Variants in SH3BGRL2 observed in about 807,000 individuals in gnomAD.
SH3BGRL2 encodes the protein SH3 domain binding glutamate rich protein like 2.
SH3BGRL2 carries 21 observed loss-of-function variants against 14.8 expected under a neutral mutation model. The ratio of observed to expected loss-of-function variants is 1.42; its 90% CI spans 1.01 to 2.05. The LOEUF is 2.05. SH3BGRL2 is among the 30% of genes most tolerant of loss of function. The probability of loss-of-function intolerance (pLI) is 0.00; values close to 1 mark genes in which losing one functional copy is unlikely to be tolerated. For synonymous variants in SH3BGRL2, 50 were observed against 47.8 expected (o/e 1.05, Z -0.19); for missense variants, 147 against 130.8 (o/e 1.12, Z -0.61).
the SH3BGRL2 span, among the ~76,000 whole-genome samples, chr6:79,588,289 T>TTA: frequency 8.1e-6 from 1 of 124,048 alleles, no homozygotes; most frequent in Admixed American, 8.4e-5. Context: ...AGACTCTGTC[T>TTA]AAAAAAAAAA....
upstream of SH3BGRL2, among the ~76,000 whole-genome samples, chr6:79,627,314 A>G (rs1582707394): frequency 1.3e-5 from 2 of 152,330 alleles, no homozygotes; most frequent in South Asian, 4.1e-4. Flanking sequence ...AAGCTGCAAT[A>G]GGTCATGCCG....
intron 2 of SH3BGRL2, among the ~76,000 whole-genome samples, chr6:79,688,540 T>A (rs1295351035): frequency 1.3e-5 from 2 of 152,184 alleles, no homozygotes; most frequent in Non-Finnish European, 2.9e-5. Context: ...AATCTACAGA[T>A]GTGTATTTAC....
At chr6:79,685,402 CTCT>C (rs1770071998) in intron 2 of SH3BGRL2, among the ~76,000 whole-genome samples, 1 of 152,296 alleles carries the variant, frequency 6.6e-6, no homozygotes, top group Middle Eastern at 3.4e-3. Flanking sequence ...TTTTCCTCTG[CTCT>C]TCTTTCTGCA....
chr6:79,563,389 G>A, the SH3BGRL2 span, among the ~76,000 whole-genome samples: 1 of 152,082 alleles, frequency 6.6e-6, no homozygotes, highest in Non-Finnish European at 1.5e-5. Flanking sequence ...TGGGATTACA[G>A]GAGTGAGCCA....
At chr6:79,580,675 C>A in the SH3BGRL2 span, among the ~76,000 whole-genome samples, 1 of 151,948 alleles carries the variant, frequency 6.6e-6, no homozygotes, top group African/African-American at 2.4e-5. Flanking sequence ...CACTAAATGC[C>A]CACAGGAGAA....
the SH3BGRL2 span, among the ~76,000 whole-genome samples, chr6:79,606,974 C>G: frequency 2.0e-5 from 3 of 152,156 alleles, no homozygotes; most frequent in Admixed American, 6.5e-5. Context: ...AATAGAAACA[C>G]TCCTCCCAGT....
chr6:79,554,270 C>A, the SH3BGRL2 span, among the ~76,000 whole-genome samples: 4 of 151,938 alleles, frequency 2.6e-5, no homozygotes, highest in African/African-American at 9.7e-5. Context: ...TTATCTAATG[C>A]GTTTAAAAAA....
the SH3BGRL2 span, among the ~76,000 whole-genome samples, chr6:79,582,151 G>A: frequency 6.6e-6 from 1 of 152,148 alleles, no homozygotes; most frequent in Non-Finnish European, 1.5e-5. Context: ...TAAACAAATG[G>A]AAGGATATTC....
intron 1 of SH3BGRL2, among the ~76,000 whole-genome samples, chr6:79,631,916 G>A (rs1768833950): frequency 6.6e-6 from 1 of 152,186 alleles, no homozygotes; most frequent in East Asian, 1.9e-4. Context: ...TGCTGCTTTG[G>A]TTTGTTACCC....
intron 1 of SH3BGRL2, among the ~76,000 whole-genome samples, chr6:79,656,912 T>C (rs1769430672): frequency 6.6e-6 from 1 of 152,134 alleles, no homozygotes; most frequent in African/African-American, 2.4e-5. Context: ...TAACTATATA[T>C]TAAAATAAAG....
the SH3BGRL2 span, among the ~76,000 whole-genome samples, chr6:79,550,265 A>G: frequency 2.0e-5 from 3 of 152,132 alleles, no homozygotes; most frequent in African/African-American, 4.8e-5. Flanking sequence ...GGACTTTTGC[A>G]GCTACTGGTA....
chr6:79,643,058 A>C (rs1769062125), intron 1 of SH3BGRL2, among the ~76,000 whole-genome samples: 1 of 152,306 alleles, frequency 6.6e-6, no homozygotes, highest in African/African-American at 2.4e-5. Context: ...GGGCAGCTGA[A>C]CAATTACTCT....
At chr6:79,548,779 T>G in the SH3BGRL2 span, among the ~76,000 whole-genome samples, 17 of 152,270 alleles carry the variant, frequency 1.1e-4, no homozygotes, top group Admixed American at 2.6e-4. Flanking sequence ...TGCACAGTAA[T>G]TTATGGAAAC....
At chr6:79,550,340 T>TTC in the SH3BGRL2 span, among the ~76,000 whole-genome samples, 1 of 152,166 alleles carries the variant, frequency 6.6e-6, no homozygotes, top group African/African-American at 2.4e-5. Context: ...AAGGAATAAA[T>TTC]TCTGACTGTC....
rs185273744 is a variant in SH3BGRL2 at position 79,679,134 on chromosome 6, A to C, written c.231+5335A>C. 1.1e-4 allele frequency among the ~76,000 whole-genome samples: 16 copies of C among 152,270 alleles called. No homozygotes were observed. The East Asian group carries it at 2.9e-3, about 28-fold the overall frequency. ...GATCCATTTTCTTTTGGGTATATAC[A>C]CAGTAATGGGATTGCTGGGTTGAAA... is the stretch of plus-strand genomic sequence containing the variant. On this transcript the variant is annotated intron_variant, in intron 2 of 3. Transcript: ENST00000369838.
intron 1 of SH3BGRL2, among the ~76,000 whole-genome samples, chr6:79,636,254 G>C (rs1244040204): frequency 6.6e-6 from 1 of 152,182 alleles, no homozygotes; most frequent in African/African-American, 2.4e-5. Context: ...AGAGCTGCTA[G>C]AGTAGAAGTT....
chr6:79,619,492 AC>A, the SH3BGRL2 span, among the ~76,000 whole-genome samples: 1 of 152,234 alleles, frequency 6.6e-6, no homozygotes, highest in Non-Finnish European at 1.5e-5. Context: ...ATATTTTCTT[AC>A]TTGCCCTTGT....
Position 79,702,355 on chromosome 6 carries a change from T to A in SH3BGRL2, c.*2846T>A, listed in dbSNP as rs925471130. The A allele has an allele frequency of 1.3e-5, 2 of 152,640 alleles. No individual in the cohort carries two copies. Among genetic ancestry groups the A allele is most frequent in the Admixed American group, 1.3e-4 (2 of 15,266 alleles). The allele number at this position is 152,640 out of a possible 1,614,324, so 9.5% of individuals were successfully genotyped here. ...GGTTTTGCTTTTTCTAGAGATACTTTTCATTTAACAGCTTTTGTTAAGTGT... is the reference window on the plus strand; with the variant it reads ...GGTTTTGCTTTTTCTAGAGATACTTATCATTTAACAGCTTTTGTTAAGTGT... On this transcript the variant is annotated 3_prime_UTR_variant, in exon 4 of 4. Transcript: ENST00000369838.
chr6:79,620,491 A>G, the SH3BGRL2 span, among the ~76,000 whole-genome samples: 2 of 152,114 alleles, frequency 1.3e-5, no homozygotes, highest in East Asian at 3.9e-4. Context: ...CTCTCAATAT[A>G]TCACCCATTG....
Sources: gnomAD v4.1 joint callset for allele counts (sites outside exome capture counted in the v4.1 genomes callset) on GRCh38, gnomAD v4.1.1 for gene constraint, MANE v1.5 for transcripts, NCBI Gene and HGNC (gene_info 2026-07-23, HGNC 2026-07-21) for gene names.